The following FRMD4A variants were observed in gnomAD, a reference collection of about 807,000 sequenced individuals.
The protein encoded by FRMD4A is FERM domain containing 4A.
FRMD4A carries 29 observed loss-of-function variants against 129.1 expected under a neutral mutation model. That is an observed-to-expected ratio of 0.22 (90% CI 0.17 to 0.31). The LOEUF is 0.31. Ranked by LOEUF, FRMD4A falls within the 10% of genes least tolerant of loss-of-function variation. FRMD4A has a pLI of 1.00. For missense variants in FRMD4A, 1,272 were observed against 1,375.8 expected, an observed-to-expected ratio of 0.92 and a Z score of 1.19; for synonymous variants, 634 against 571.6, an observed-to-expected ratio of 1.11 and a Z score of -1.56.
intron 2 of FRMD4A, among the ~76,000 whole-genome samples, chr10:14,080,272 C>T (rs904996361): frequency 5.9e-5 from 9 of 152,146 alleles, no homozygotes; most frequent in Admixed American, 2.0e-4. Flanking sequence ...TTCCAAACAG[C>T]CCATTCCCTG....
chr10:14,174,056 C>T (rs932421006), intron 2 of FRMD4A, among the ~76,000 whole-genome samples: 1 of 152,126 alleles, frequency 6.6e-6, no homozygotes, highest in Admixed American at 6.5e-5. Flanking sequence ...GTGGCAGAAT[C>T]CTCATGCCAG....
intron 9 of FRMD4A, among the ~76,000 whole-genome samples, chr10:13,746,761 G>T (rs2091310780): frequency 6.6e-6 from 1 of 152,198 alleles, no homozygotes; most frequent in African/African-American, 2.4e-5. Flanking sequence ...GAACATCAGA[G>T]AAGAGGTATT....
chr10:13,766,683 C>A (rs1325853962), intron 6 of FRMD4A, among the ~76,000 whole-genome samples: 1 of 152,160 alleles, frequency 6.6e-6, no homozygotes, highest in Admixed American at 6.5e-5. Context: ...CCCTTATACA[C>A]CTCATCCTTC....
At chr10:14,173,365 A>G (rs1034262960) in intron 2 of FRMD4A, among the ~76,000 whole-genome samples, 2 of 152,214 alleles carry the variant, frequency 1.3e-5, no homozygotes, top group Admixed American at 1.3e-4. Flanking sequence ...ACAAGCGCTT[A>G]GAGTCTTCAG....
rs964177978 is a variant in FRMD4A at position 13,747,420 on chromosome 10, C to T, written c.548+316G>A. 3.3e-5 allele frequency among the ~76,000 whole-genome samples: 5 copies of T among 151,400 alleles called. No individual in the cohort carries two copies. In the East Asian group the frequency reaches 5.8e-4, roughly 18 times the overall value. ...GGTGTGGTGGTGCGTGCCTGTAATC[C>T]CAGCTACTCAGGAGGCTGAGGCAGG... On this transcript the variant is annotated intron_variant, in intron 9 of 24. Coordinates refer to ENST00000357447, the MANE Select transcript of FRMD4A (RefSeq NM_018027.5).
At chr10:14,151,186 T>C (rs1434121950) in intron 2 of FRMD4A, among the ~76,000 whole-genome samples, 1 of 152,146 alleles carries the variant, frequency 6.6e-6, no homozygotes, top group East Asian at 1.9e-4. Context: ...AAATAAACCA[T>C]TATATCAGAA....
chr10:14,228,106 T>G (rs1843509782), intron 2 of FRMD4A, among the ~76,000 whole-genome samples: 1 of 152,110 alleles, frequency 6.6e-6, no homozygotes, highest in South Asian at 2.1e-4. Context: ...TCTCTTGACC[T>G]CATGACCCAC....
At chr10:13,808,038 A>G (rs2093385289) in intron 4 of FRMD4A, among the ~76,000 whole-genome samples, 1 of 152,120 alleles carries the variant, frequency 6.6e-6, no homozygotes, top group Admixed American at 6.6e-5. Context: ...ACCTCAAGTG[A>G]TCTGTCCACC....
At chr10:14,262,631 C>T (rs1844844635) in intron 2 of FRMD4A, among the ~76,000 whole-genome samples, 1 of 152,096 alleles carries the variant, frequency 6.6e-6, no homozygotes, top group African/African-American at 2.4e-5. Context: ...GTTAAAGACA[C>T]ACAAAAGGCT....
chr10:13,866,361 C>A, intron 2 of FRMD4A: 1 of 671,712 alleles, frequency 1.5e-6, no homozygotes, highest in Non-Finnish European at 1.8e-6. Flanking sequence ...GACCTCTGAC[C>A]CAGGCTGTTG....
intron 12 of FRMD4A, chr10:13,707,353 AAAC>A (rs1403243334): frequency 3.3e-6 from 4 of 1,224,460 alleles, no homozygotes; most frequent in Non-Finnish European, 4.1e-6. Flanking sequence ...AACTGGAACA[AAAC>A]AAGTTCTTTT....
chr10:13,817,562 A>G (rs559677643), intron 3 of FRMD4A, among the ~76,000 whole-genome samples: 5 of 152,322 alleles, frequency 3.3e-5, no homozygotes, highest in African/African-American at 1.2e-4. Context: ...GAGATAACTG[A>G]ATCATGGGTG....
rs143874151 is a variant in FRMD4A at position 13,674,843 on chromosome 10, G to A, written c.1251+68C>T. The A allele has an allele frequency of 5.3e-5, 79 of 1,492,390 alleles. 1 individual carries two copies. The East Asian group carries it at 1.4e-3, about 27-fold the overall frequency. The allele number at this position is 1,492,390 out of a possible 1,614,324, so 92.4% of individuals were successfully genotyped here. ...TCAAATGACATCAAAAAGATCAAAT[G>A]ACATCAGAAAGATCAGTGACATCAC... On this transcript the variant is annotated intron_variant, in intron 16 of 24. Transcript: ENST00000357447.
chr10:14,242,155 G>A lies in FRMD4A; in HGVS notation c.45+87903C>T, dbSNP rs373769752. ...GTAGGAAAAAATAACCACTTCAAAA[G>A]AGAAAAGGGTTAGCCAATTCTGAGA... is the stretch of plus-strand genomic sequence containing the variant. On this transcript the variant is annotated intron_variant, in intron 2 of 24. Coordinates refer to ENST00000357447, the MANE Select transcript of FRMD4A (RefSeq NM_018027.5). Among the ~76,000 whole-genome samples, 3 of 152,232 alleles carry A rather than the reference G, an allele frequency of 2.0e-5. No individual in the cohort carries two copies. In the South Asian group the frequency reaches 6.2e-4, roughly 32 times the overall value.
chr10:14,163,916 G>A (rs919929422), intron 2 of FRMD4A, among the ~76,000 whole-genome samples: 5 of 152,216 alleles, frequency 3.3e-5, no homozygotes, highest in Admixed American at 3.3e-4. Context: ...TTTCTCAGTC[G>A]AATGAGTATC....
intron 2 of FRMD4A, among the ~76,000 whole-genome samples, chr10:14,191,966 C>T (rs1458674854): frequency 6.6e-6 from 1 of 152,170 alleles, no homozygotes; most frequent in Non-Finnish European, 1.5e-5. Flanking sequence ...TTCCACCAGA[C>T]CACTTTTTCA....
intron 2 of FRMD4A, among the ~76,000 whole-genome samples, chr10:14,098,032 AT>A (rs571517795): frequency 3.1e-3 from 275 of 87,986 alleles, no homozygotes; most frequent in Middle Eastern, 0.013. Context: ...TAAATTATAG[AT>A]TATATATAAA....
intron 14 of FRMD4A, among the ~76,000 whole-genome samples, chr10:13,701,058 A>G (rs1322239748): frequency 6.6e-6 from 1 of 152,030 alleles, no homozygotes; most frequent in African/African-American, 2.4e-5. Flanking sequence ...GAGGGCCAAA[A>G]GCACAGTGGG....
At chr10:13,979,849 G>A (rs927524743) in intron 2 of FRMD4A, among the ~76,000 whole-genome samples, 2 of 152,218 alleles carry the variant, frequency 1.3e-5, no homozygotes, top group African/African-American at 4.8e-5. Context: ...GGCTTCTCTT[G>A]CTGCTTTTAG....
Sources: gnomAD v4.1 joint callset for allele counts (sites outside exome capture counted in the v4.1 genomes callset) on GRCh38, gnomAD v4.1.1 for gene constraint, MANE v1.5 for transcripts, NCBI Gene and HGNC (gene_info 2026-07-23, HGNC 2026-07-21) for gene names.